ELP2: variants seen among roughly 807,000 people sequenced by gnomAD.
ELP2 encodes the protein elongator acetyltransferase complex subunit 2, also known as elongator complex protein 2.
A neutral mutation model predicts 119.2 loss-of-function variants in ELP2; 90 were observed. The observed-to-expected ratio is 0.75, with a 90% CI of 0.64 to 0.90. ELP2 has a LOEUF of 0.90. ELP2 is among the 40% of genes least tolerant of loss of function. The pLI is 0.00. For synonymous variants in ELP2, 339 were observed against 331.0 expected (o/e 1.02, Z -0.26); for missense variants, 921 against 967.8 (o/e 0.95, Z 0.64).
At chr18:36,155,657 G>A (rs1468211750) in intron 12 of ELP2, among the ~76,000 whole-genome samples, 1 of 152,138 alleles carries the variant, frequency 6.6e-6, no homozygotes, top group Non-Finnish European at 1.5e-5. Flanking sequence ...TCCTGCCTCA[G>A]CCTCCCAAGT....
In ELP2 at chr18:36,149,484, TTTTG is replaced by T. The variant is rs1250542404; in HGVS notation, c.1125+3107_1125+3110del. On this transcript the variant is annotated intron_variant, in intron 11 of 21. Coordinates refer to ENST00000358232, the MANE Select transcript of ELP2 (RefSeq NM_018255.4). ...CATAGTTGCAGGGTTTTTTGTTTTG[TTTTG>T]TTTTTTTTTTTTTTGCTTAGAAATC... 6.2e-4 allele frequency among the ~76,000 whole-genome samples: 20 copies of T among 32,516 alleles called. 2 individuals carry two copies. Among genetic ancestry groups the T allele is most frequent in the South Asian group, 2.3e-3 (3 of 1,292 alleles). 21.3% of individuals were successfully genotyped at this position (32,516 alleles called of 152,430 possible). A position where few individuals can be genotyped will look rare whatever the true frequency, so the allele number is the denominator to read the frequency against.
chr18:36,134,375 G>A (rs566250578), intron 2 of ELP2, among the ~76,000 whole-genome samples: 1 of 152,218 alleles, frequency 6.6e-6, no homozygotes, highest in Non-Finnish European at 1.5e-5. Context: ...AAATACAGAA[G>A]CAGATATGAA....
intron 3 of ELP2, chr18:36,137,978 C>T (rs1046911855): frequency 3.8e-5 from 14 of 363,970 alleles, no homozygotes; most frequent in Non-Finnish European, 7.3e-5. Context: ...TGAATCTCTT[C>T]ATAATGAAAA....
At chr18:36,137,678 AT>A (rs1567976397) in intron 3 of ELP2, among the ~76,000 whole-genome samples, 1 of 151,818 alleles carries the variant, frequency 6.6e-6, no homozygotes, top group Non-Finnish European at 1.5e-5. Flanking sequence ...TCTCTTTGCT[AT>A]TTTTCTATTT....
At chr18:36,167,453 A>G (rs973048585) in intron 19 of ELP2, among the ~76,000 whole-genome samples, 5 of 152,190 alleles carry the variant, frequency 3.3e-5, no homozygotes, top group Non-Finnish European at 5.9e-5. Flanking sequence ...TTTCAGACAT[A>G]TGACCTTCAT....
chr18:36,139,475 C>CT (rs2089947276), intron 5 of ELP2: 2 of 1,535,602 alleles, frequency 1.3e-6, no homozygotes, highest in Non-Finnish European at 1.7e-6. Flanking sequence ...ACCAGCCTCT[C>CT]TCGCCCTCTG....
rs1286291757 is a variant in ELP2 at position 36,171,167 on chromosome 18, C to A, written c.2324+7C>A. ...GTGTAGAAACAAGTCAAAGGTATTT[C>A]TTTCCTATTTTTGTTTCCATCAGAT... On this transcript the variant is annotated splice_region_variant and intron_variant, in intron 21 of 21. Coordinates refer to ENST00000358232, the MANE Select transcript of ELP2 (RefSeq NM_018255.4). 1 of 1,600,936 alleles carries A rather than the reference C, an allele frequency of 6.2e-7. No individual in the cohort carries two copies. The highest frequency in any genetic ancestry group is 8.6e-7 in the Non-Finnish European group (1 of 1,168,708).
chr18:36,138,774 G>GT (rs1294739875), intron 4 of ELP2, 21 bp from the exon 5 acceptor site: 2 of 1,597,158 alleles, frequency 1.3e-6, no homozygotes, highest in South Asian at 1.1e-5. Flanking sequence ...GTTGTTCATT[G>GT]TGTTTTTTAT....
intron 8 of ELP2, 59 bp downstream of exon 8, chr18:36,143,025 T>C (rs2090085509): frequency 7.9e-7 from 1 of 1,268,110 alleles, no homozygotes; most frequent in East Asian, 2.4e-5. Context: ...TTGGTTGATT[T>C]TTTTTTCACC....
In ELP2 at chr18:36,174,642, T is replaced by C; in HGVS notation, c.*1T>C. 6.2e-7 allele frequency: 1 copy of C among 1,613,870 alleles called. No individual in the cohort carries two copies. Among genetic ancestry groups the C allele is most frequent in the Non-Finnish European group, 8.5e-7 (1 of 1,179,854 alleles). On this transcript the variant is annotated 3_prime_UTR_variant, in exon 22 of 22. Transcript: ENST00000358232. ...CAGAGTCAATAAATGTGCACTGTAA[T>C]GGACTTAATAACTACATGCTTGCAG... is the stretch of plus-strand genomic sequence containing the variant.
At chr18:36,171,229 A>T in intron 21 of ELP2, 69 bp downstream of exon 21, 1 of 1,063,690 alleles carries the variant, frequency 9.4e-7, no homozygotes, top group South Asian at 1.3e-5. Flanking sequence ...GGCAAATTTT[A>T]TGCCACATTT....
At chr18:36,164,934 C>T (rs2090850113) in intron 18 of ELP2, 1 of 452,090 alleles carries the variant, frequency 2.2e-6, no homozygotes, top group Non-Finnish European at 4.0e-6. Context: ...GAAACATAAA[C>T]ATCTGTATGT....
intron 21 of ELP2, among the ~76,000 whole-genome samples, chr18:36,174,136 T>A (rs1309962235): frequency 6.6e-6 from 1 of 152,226 alleles, no homozygotes; most frequent in Non-Finnish European, 1.5e-5. Context: ...AGTAATGTTA[T>A]CTAAAAGACT....
In ELP2 at chr18:36,141,323, A is replaced by G. The variant is rs540838226; in HGVS notation, c.588+122A>G. On this transcript the variant is annotated intron_variant, in intron 6 of 21. Coordinates refer to ENST00000358232, the MANE Select transcript of ELP2 (RefSeq NM_018255.4). Reference sequence around the variant, plus strand: ...AATCTAAACCAAAATAATCCAATAGAATCTTTTTTTGACAGTCCTCTGTTA... The same window carrying G: ...AATCTAAACCAAAATAATCCAATAGGATCTTTTTTTGACAGTCCTCTGTTA... 13 of 846,714 alleles carry G rather than the reference A, an allele frequency of 1.5e-5. No homozygotes were observed. In the East Asian group the frequency reaches 3.5e-4, roughly 23 times the overall value. 52.5% of individuals were successfully genotyped at this position (846,714 alleles called of 1,614,324 possible). A position where few individuals can be genotyped will look rare whatever the true frequency, so the allele number is the denominator to read the frequency against.
At chr18:36,173,099 A>G (rs2091131996) in intron 21 of ELP2, among the ~76,000 whole-genome samples, 1 of 152,220 alleles carries the variant, frequency 6.6e-6, no homozygotes, top group African/African-American at 2.4e-5. Flanking sequence ...CACTATCTCA[A>G]AGCTTACATA....
In ELP2 at chr18:36,146,061, GA is replaced by G; in HGVS notation, c.993+14del. ...TTGGCTAGAACAGGTAAAAATGTTG[GA>G]TATTTAAGGAACAGAAAATTAAGTT... On this transcript the variant is annotated intron_variant, in intron 10 of 21. Coordinates refer to ENST00000358232, the MANE Select transcript of ELP2 (RefSeq NM_018255.4). 1 of 1,610,366 alleles carries G rather than the reference GA, an allele frequency of 6.2e-7. No homozygotes were observed. The highest frequency in any genetic ancestry group is 8.5e-7 in the Non-Finnish European group (1 of 1,176,640).
chr18:36,139,848 A>AATTT, intron 5 of ELP2: 1 of 267,798 alleles, frequency 3.7e-6, no homozygotes, highest in East Asian at 7.2e-5. Context: ...TAAAATTTAA[A>AATTT]ATTTATTTAT....
chr18:36,149,340 TACC>T (rs1301392185), intron 11 of ELP2, among the ~76,000 whole-genome samples: 5 of 152,208 alleles, frequency 3.3e-5, no homozygotes, highest in African/African-American at 1.2e-4. Flanking sequence ...GAGCTATTTT[TACC>T]ACCAGGCAAT....
At chr18:36,142,692 T>G in intron 7 of ELP2, 134 bp from the exon 8 acceptor site, 2 of 642,020 alleles carry the variant, frequency 3.1e-6, no homozygotes, top group East Asian at 2.8e-5. Context: ...ATCAAATGAA[T>G]TGGAGGGTAA....
Sources: allele counts gnomAD v4.1 joint callset (sites outside exome capture counted in the v4.1 genomes callset), GRCh38; gene constraint gnomAD v4.1.1; transcripts MANE v1.5; gene names NCBI Gene and HGNC (gene_info 2026-07-23, HGNC 2026-07-21).